The following ZNF18 variants were observed in gnomAD, a reference collection of about 807,000 sequenced individuals.
ZNF18 encodes heart development-specific gene 1 protein.
A neutral mutation model predicts 58.1 loss-of-function variants in ZNF18; 42 were observed. That is an observed-to-expected ratio of 0.72 (90% CI 0.56 to 0.93). The LOEUF is 0.93. ZNF18 is among the 40% of genes least tolerant of loss of function. The pLI is 0.00. For synonymous variants in ZNF18, 231 were observed against 239.8 expected (o/e 0.96, Z 0.34); for missense variants, 540 against 644.2 (o/e 0.84, Z 1.75).
At position 11,992,435 on chromosome 17, in the gene ZNF18, C is replaced by G. The variant is rs1164956038; in HGVS notation, c.387+8G>C. The G allele has an allele frequency of 3.7e-6, 6 of 1,612,068 alleles. No homozygotes were observed. The highest frequency in any genetic ancestry group is 5.1e-6 in the Non-Finnish European group (6 of 1,178,800). On this transcript the variant is annotated splice_region_variant and intron_variant, in intron 2 of 6. Coordinates refer to ENST00000580306, the MANE Select transcript of ZNF18 (RefSeq NM_001303281.2). ...TTTCACTCGCAGATCATAATACCCT[C>G]TGCTTACCCATTGCCACAGTCTCTG...
At chr17:12,017,892 A>AT in the ZNF18 span, among the ~76,000 whole-genome samples, 1 of 149,994 alleles carries the variant, frequency 6.7e-6, no homozygotes, top group Non-Finnish European at 1.5e-5. Context: ...AAAAAAAAAA[A>AT]TGTATTTTTA....
intron 5 of ZNF18, 76 bp from the exon 6 acceptor site, chr17:11,983,483 G>A: frequency 9.0e-7 from 1 of 1,107,224 alleles, no homozygotes; most frequent in Non-Finnish European, 1.4e-6. Flanking sequence ...TTTCAAAGGA[G>A]CACCCTACGC....
At chr17:12,012,636 A>G in the ZNF18 span, among the ~76,000 whole-genome samples, 1 of 152,192 alleles carries the variant, frequency 6.6e-6, no homozygotes, top group African/African-American at 2.4e-5. Context: ...ATTAAACTTC[A>G]TCTGCTAGAT....
At chr17:12,012,543 C>G in the ZNF18 span, among the ~76,000 whole-genome samples, 8 of 152,168 alleles carry the variant, frequency 5.3e-5, no homozygotes, top group African/African-American at 1.4e-4. Flanking sequence ...TAACTTGTCC[C>G]CCATTGAGCT....
chr17:11,992,403 C>T (rs376341892), intron 2 of ZNF18, 40 bp downstream of exon 2: 2 of 1,586,686 alleles, frequency 1.3e-6, no homozygotes, highest in South Asian at 2.3e-5. Flanking sequence ...CAGAGAGGAG[C>T]CCTGTGTTTC....
chr17:11,999,739 A>G (rs1404924889), upstream of ZNF18, among the ~76,000 whole-genome samples: 1 of 152,194 alleles, frequency 6.6e-6, no homozygotes, highest in East Asian at 1.9e-4. Flanking sequence ...TGGTAATTAT[A>G]GGTGTTGTGA....
At chr17:11,991,279 A>C in intron 2 of ZNF18, 116 bp from the exon 3 acceptor site, 2 of 980,896 alleles carry the variant, frequency 2.0e-6, no homozygotes, top group South Asian at 2.1e-5. Flanking sequence ...ATGTGGAGAA[A>C]GAGAAAACCA....
chr17:11,996,342 T>C (rs568902494), intron 1 of ZNF18, among the ~76,000 whole-genome samples: 1 of 152,358 alleles, frequency 6.6e-6, no homozygotes, highest in African/African-American at 2.4e-5. Context: ...AGATTTTAGA[T>C]AGCAAGATAC....
chr17:12,001,649 C>T (rs1054966976), upstream of ZNF18, among the ~76,000 whole-genome samples: 12 of 151,950 alleles, frequency 7.9e-5, no homozygotes, highest in African/African-American at 2.9e-4. Flanking sequence ...AACAAACAAA[C>T]AAACAAACAA....
the ZNF18 span, among the ~76,000 whole-genome samples, chr17:12,007,737 G>A: frequency 1.3e-5 from 2 of 152,292 alleles, no homozygotes; most frequent in East Asian, 3.9e-4. Flanking sequence ...TGGTTTTTCA[G>A]ACTGAACCTT....
chr17:12,000,699 A>G (rs1196414847), upstream of ZNF18, among the ~76,000 whole-genome samples: 1 of 152,170 alleles, frequency 6.6e-6, no homozygotes, highest in Non-Finnish European at 1.5e-5. Context: ...CTGGGCAACA[A>G]GAGCGAAACT....
At position 11,978,072 on chromosome 17, in the gene ZNF18, C is replaced by T; in HGVS notation, c.1535G>A (p.Arg512Lys). The part of the protein sequence containing the change: ...IQRSNFNRHQ[R>K]VHTGEKPYKC... Reference sequence around the variant, plus strand: ...ATAAGGTTTCTCTCCAGTGTGAACCCTCTGATGTCTATTAAAGTTTGATCT... The same window carrying T: ...ATAAGGTTTCTCTCCAGTGTGAACCTTCTGATGTCTATTAAAGTTTGATCT... The change falls in exon 7 of 7, where the codon AGG becomes AAG. Residue 512 changes from arginine (R) to lysine (K), a missense_variant. Coordinates refer to ENST00000580306, the MANE Select transcript of ZNF18 (RefSeq NM_001303281.2). 1 of 1,614,162 alleles carries T rather than the reference C, an allele frequency of 6.2e-7. No individual in the cohort carries two copies. The highest frequency in any genetic ancestry group is 8.5e-7 in the Non-Finnish European group (1 of 1,180,034).
Position 11,978,580 on chromosome 17 carries a change from G to A in ZNF18, c.1027C>T (p.Leu343Phe), listed in dbSNP as rs750346148. 2.3e-5 allele frequency: 37 copies of A among 1,614,010 alleles called. No individual in the cohort carries two copies. In the South Asian group the frequency reaches 3.4e-4, roughly 15 times the overall value. ...TGAATGTTTTGCAGAGCCTCAGGGA[G>A]ATTCTCTCCTTCTCCAAAGCATCCT... is the stretch of plus-strand genomic sequence containing the variant. The part of the protein sequence containing the change: ...EPGCFGEGEN[L>F]PEALQNIQDE... Residue 343 changes from leucine (L) to phenylalanine (F), a missense_variant, in exon 7 of 7, where the codon CTC becomes TTC. By Grantham distance (22) the Leu-to-Phe change is conservative. Coordinates refer to ENST00000580306, the MANE Select transcript of ZNF18 (RefSeq NM_001303281.2).
intron 4 of ZNF18, among the ~76,000 whole-genome samples, chr17:11,987,043 C>G (rs1353980675): frequency 6.6e-6 from 1 of 152,194 alleles, no homozygotes. Context: ...CAATGGCAGC[C>G]AGCTTGCCTC....
At chr17:12,018,573 G>T in the ZNF18 span, among the ~76,000 whole-genome samples, 1 of 152,220 alleles carries the variant, frequency 6.6e-6, no homozygotes, top group South Asian at 2.1e-4. Flanking sequence ...AGATGCTGGG[G>T]GTTAGGACTC....
intron 1 of ZNF18, among the ~76,000 whole-genome samples, chr17:11,993,875 G>C (rs1968303270): frequency 7.3e-6 from 1 of 136,286 alleles, no homozygotes; most frequent in South Asian, 2.6e-4. Flanking sequence ...TAACTACCTT[G>C]AAAATACTCC....
the ZNF18 span, among the ~76,000 whole-genome samples, chr17:12,013,689 G>C: frequency 6.6e-6 from 1 of 151,962 alleles, no homozygotes; most frequent in African/African-American, 2.4e-5. Flanking sequence ...TTTTTGTTGG[G>C]TATTCTTTAT....
At chr17:12,008,862 G>C in the ZNF18 span, among the ~76,000 whole-genome samples, 853 of 152,326 alleles carry the variant, frequency 5.6e-3, 7 homozygotes, top group African/African-American at 0.016. Flanking sequence ...AAGAGAAATA[G>C]GAAGGAATTT....
chr17:12,019,115 G>T, the ZNF18 span, among the ~76,000 whole-genome samples: 1 of 151,478 alleles, frequency 6.6e-6, no homozygotes, highest in African/African-American at 2.4e-5. Context: ...CCACCACACC[G>T]GCTAATTTTT....
Sources: gnomAD v4.1 joint callset for allele counts (sites outside exome capture counted in the v4.1 genomes callset) on GRCh38, gnomAD v4.1.1 for gene constraint, MANE v1.5 for transcripts, NCBI Gene and HGNC (gene_info 2026-07-23, HGNC 2026-07-21) for gene names.